Variants in SEMA5A observed in about 807,000 individuals in gnomAD.
SEMA5A encodes semaphorin 5A.
Under a neutral mutation model 135.5 loss-of-function variants are expected in SEMA5A, and 55 were observed. The ratio of observed to expected loss-of-function variants is 0.41; its 90% CI spans 0.33 to 0.51. The LOEUF (loss-of-function observed/expected upper bound fraction) is 0.51. Ranked by LOEUF, SEMA5A falls within the 20% of genes least tolerant of loss-of-function variation. The probability of loss-of-function intolerance (pLI) is 0.37; values close to 1 mark genes in which losing one functional copy is unlikely to be tolerated. For synonymous variants in SEMA5A, 580 were observed against 546.5 expected (o/e 1.06, Z -0.85); for missense variants, 1,290 against 1,419.9 (o/e 0.91, Z 1.47).
At chr5:9,480,956 G>T (rs921190582) in intron 1 of SEMA5A, among the ~76,000 whole-genome samples, 3 of 151,882 alleles carry the variant, frequency 2.0e-5, no homozygotes, top group Non-Finnish European at 4.4e-5. Flanking sequence ...TGGTTTTTTG[G>T]TTTTTTTGAG....
intron 3 of SEMA5A, among the ~76,000 whole-genome samples, chr5:9,376,902 A>G (rs1190823019): frequency 6.6e-6 from 1 of 152,166 alleles, no homozygotes; most frequent in Non-Finnish European, 1.5e-5. Context: ...CGACATATGC[A>G]TTCACCCTTT....
intron 11 of SEMA5A, among the ~76,000 whole-genome samples, chr5:9,158,571 G>A (rs978633922): frequency 5.9e-5 from 9 of 151,862 alleles, no homozygotes; most frequent in Admixed American, 2.6e-4. Flanking sequence ...AGACGACAAT[G>A]TGAGGTGGAG....
At chr5:9,442,333 C>T (rs114000308) in intron 1 of SEMA5A, among the ~76,000 whole-genome samples, 4,850 of 152,278 alleles carry the variant, frequency 0.032, 93 homozygotes, top group Non-Finnish European at 0.049. Flanking sequence ...GTTGGCAACA[C>T]CCTATGCATG....
intron 5 of SEMA5A, among the ~76,000 whole-genome samples, chr5:9,256,884 G>T (rs1363536184): frequency 6.6e-6 from 1 of 152,212 alleles, no homozygotes; most frequent in African/African-American, 2.4e-5. Flanking sequence ...TTCAAGATTA[G>T]CATGAAGAGT....
intron 2 of SEMA5A, chr5:9,390,788 T>C (rs985876693): frequency 6.6e-6 from 1 of 151,546 alleles, no homozygotes; most frequent in Non-Finnish European, 1.5e-5. Flanking sequence ...CCAAGACATA[T>C]CATATAAAAA....
intron 8 of SEMA5A, among the ~76,000 whole-genome samples, chr5:9,223,522 C>T (rs1326588778): frequency 1.3e-5 from 2 of 152,142 alleles, no homozygotes; most frequent in Admixed American, 6.5e-5. Flanking sequence ...GAAAATGCTG[C>T]TAGACATCCT....
At position 9,053,907 on chromosome 5, in the gene SEMA5A, G is replaced by A. The variant is rs773572291; in HGVS notation, c.2689+180C>T. ...GAGTTCTGAATCTATAGCTCAGTGAGAACTATTTTATTATAGATGCTATGT... is the reference window on the plus strand; with the variant it reads ...GAGTTCTGAATCTATAGCTCAGTGAAAACTATTTTATTATAGATGCTATGT... On this transcript the variant is annotated intron_variant, in intron 19 of 22. Transcript: ENST00000382496. 81 of 593,974 alleles carry A rather than the reference G, an allele frequency of 1.4e-4. 1 individual carries two copies. The highest frequency in any genetic ancestry group is 3.1e-4 in the Middle Eastern group (1 of 3,182). 36.8% of individuals were successfully genotyped at this position (593,974 alleles called of 1,614,324 possible).
rs140974140 is a variant in SEMA5A, at chr5:9,197,154, C to A, written c.1068+14G>T. On this transcript the variant is annotated intron_variant, in intron 10 of 22. Transcript: ENST00000382496. ...GGGGATGCCAACAGTGCCCCTTTGC[C>A]CCCCGAAAATTACCTGGAAGTGGGG... The A allele has an allele frequency of 1.4e-4, 222 of 1,614,068 alleles. No homozygotes were observed. In the African/African-American group the frequency reaches 2.7e-3, roughly 19 times the overall value.
At chr5:9,092,896 C>A (rs932713595) in intron 16 of SEMA5A, among the ~76,000 whole-genome samples, 2 of 152,190 alleles carry the variant, frequency 1.3e-5, no homozygotes, top group African/African-American at 2.4e-5. Context: ...CTACCCTACA[C>A]TCTGCAAGGT....
At chr5:9,162,730 T>C (rs1420876966) in intron 11 of SEMA5A, among the ~76,000 whole-genome samples, 3 of 151,818 alleles carry the variant, frequency 2.0e-5, no homozygotes, top group Admixed American at 2.0e-4. Flanking sequence ...CTTTCATCAT[T>C]ATATTTTCCA....
chr5:9,126,762 G>A (rs559609006), intron 13 of SEMA5A, among the ~76,000 whole-genome samples: 1 of 152,230 alleles, frequency 6.6e-6, no homozygotes, highest in South Asian at 2.1e-4. Context: ...CCTGAGAGGG[G>A]GTCTCGGACT....
intron 3 of SEMA5A, among the ~76,000 whole-genome samples, chr5:9,342,091 G>GA (rs35363712): frequency 1.2e-4 from 18 of 150,136 alleles, no homozygotes; most frequent in South Asian, 2.1e-4. Context: ...AAAAAAGAAA[G>GA]AAAAAAAAAT....
At chr5:9,332,276 G>A (rs963598745) in intron 4 of SEMA5A, among the ~76,000 whole-genome samples, 6 of 151,848 alleles carry the variant, frequency 4.0e-5, no homozygotes, top group African/African-American at 1.2e-4. Context: ...GGTCAGGTGT[G>A]CAAGGTGTGC....
chr5:9,336,335 G>A (rs1753390793), intron 4 of SEMA5A, among the ~76,000 whole-genome samples: 1 of 152,210 alleles, frequency 6.6e-6, no homozygotes, highest in Non-Finnish European at 1.5e-5. Flanking sequence ...CAGGGAGACA[G>A]CTTATATCCA....
intron 11 of SEMA5A, among the ~76,000 whole-genome samples, chr5:9,167,570 T>G (rs1344553855): frequency 3.3e-5 from 5 of 152,166 alleles, no homozygotes; most frequent in African/African-American, 1.2e-4. Flanking sequence ...ATCTGCATGC[T>G]TTGCATATTC....
intron 1 of SEMA5A, among the ~76,000 whole-genome samples, chr5:9,442,632 A>G (rs1758281261): frequency 6.6e-6 from 1 of 152,222 alleles, no homozygotes; most frequent in African/African-American, 2.4e-5. Context: ...GTGCAGCTTC[A>G]GCCCTAAACA....
At chr5:9,133,272 A>G (rs1741539476) in intron 13 of SEMA5A, among the ~76,000 whole-genome samples, 1 of 152,202 alleles carries the variant, frequency 6.6e-6, no homozygotes, top group African/African-American at 2.4e-5. Context: ...ATCTCCTTCT[A>G]AGAGACAGAT....
At chr5:9,405,631 C>G (rs934043551) in intron 2 of SEMA5A, among the ~76,000 whole-genome samples, 3 of 148,778 alleles carry the variant, frequency 2.0e-5, no homozygotes, top group African/African-American at 7.3e-5. Context: ...ACTCACAGCC[C>G]CCTGTCTCTT....
At chr5:9,362,635 A>T (rs1353938122) in intron 3 of SEMA5A, among the ~76,000 whole-genome samples, 3 of 152,174 alleles carry the variant, frequency 2.0e-5, no homozygotes, top group Non-Finnish European at 2.9e-5. Flanking sequence ...ACTACTATTT[A>T]ACCATTAATT....
Sources: gnomAD v4.1 joint callset for allele counts (sites outside exome capture counted in the v4.1 genomes callset) on GRCh38, gnomAD v4.1.1 for gene constraint, MANE v1.5 for transcripts, NCBI Gene and HGNC (gene_info 2026-07-23, HGNC 2026-07-21) for gene names.